Variants in SH3GL3 observed in about 807,000 individuals in gnomAD.
The protein encoded by SH3GL3 is SH3 domain containing GRB2 like 3, endophilin A3.
A neutral mutation model predicts 47.7 loss-of-function variants in SH3GL3; 33 were observed. The ratio of observed to expected loss-of-function variants is 0.69; its 90% CI spans 0.52 to 0.92. The LOEUF (loss-of-function observed/expected upper bound fraction) is 0.92, where lower values mean the gene tolerates loss of function less well. Among genes scored for constraint, SH3GL3 ranks in the 40% least tolerant of loss-of-function variants. SH3GL3 has a pLI of 0.00. For missense variants in SH3GL3, 363 were observed against 417.8 expected (o/e 0.87, Z 1.14); for synonymous variants, 155 against 148.8 (o/e 1.04, Z -0.30).
intron 1 of SH3GL3, among the ~76,000 whole-genome samples, chr15:83,450,480 G>A (rs2039686768): frequency 6.6e-6 from 1 of 151,846 alleles, no homozygotes; most frequent in African/African-American, 2.4e-5. Flanking sequence ...GCTATAACCC[G>A]GTTAACTGTT....
At chr15:83,491,754 A>G (rs2041882188) in intron 1 of SH3GL3, among the ~76,000 whole-genome samples, 1 of 152,114 alleles carries the variant, frequency 6.6e-6, no homozygotes, top group Admixed American at 6.5e-5. Flanking sequence ...TGACTTGTTC[A>G]CTTTGTGTTT....
At chr15:83,586,074 T>C (rs2059947366) in intron 6 of SH3GL3, among the ~76,000 whole-genome samples, 1 of 152,092 alleles carries the variant, frequency 6.6e-6, no homozygotes, top group African/African-American at 2.4e-5. Flanking sequence ...GTAGGATTGA[T>C]TTTGATTTGT....
At chr15:83,533,394 G>A (rs2043768447) in intron 1 of SH3GL3, among the ~76,000 whole-genome samples, 1 of 152,062 alleles carries the variant, frequency 6.6e-6, no homozygotes, top group African/African-American at 2.4e-5. Flanking sequence ...TGGCAGAAGG[G>A]GTTCATATAG....
intron 1 of SH3GL3, among the ~76,000 whole-genome samples, chr15:83,464,361 T>C (rs745855632): frequency 1.3e-5 from 2 of 152,164 alleles, no homozygotes; most frequent in Non-Finnish European, 2.9e-5. Flanking sequence ...GCTTGGGTAC[T>C]TTCTCTTTTC....
Position 83,568,651 on chromosome 15 carries a change from C to T in SH3GL3, c.310C>T (p.Leu104Phe). Residue 104 changes from leucine (L) to phenylalanine (F), a missense_variant, in exon 4 of 9, where the codon CTC becomes TTC. Leu to Phe is a conservative substitution (Grantham distance 22). Transcript: ENST00000427482. ...GDCMLKYGKELGEDSTFGNAL... is the reference protein window; with the variant it reads ...GDCMLKYGKEFGEDSTFGNAL... ...CTGTATGCTGAAATACGGGAAGGAG[C>T]TCGGGGAAGACTCCACCTTTGGTGA... is the stretch of plus-strand genomic sequence containing the variant. 1 of 1,613,728 alleles carries T rather than the reference C, an allele frequency of 6.2e-7. No individual in the cohort carries two copies. The highest frequency in any genetic ancestry group is 8.5e-7 in the Non-Finnish European group (1 of 1,179,708).
chr15:83,524,027 G>T, intron 1 of SH3GL3, among the ~76,000 whole-genome samples: 1 of 151,752 alleles, frequency 6.6e-6, no homozygotes, highest in East Asian at 1.9e-4. Context: ...ATACTATACA[G>T]ATGATTTCTT....
intron 1 of SH3GL3, among the ~76,000 whole-genome samples, chr15:83,540,440 C>T (rs1000867482): frequency 2.6e-5 from 4 of 152,016 alleles, no homozygotes; most frequent in East Asian, 3.8e-4. Flanking sequence ...CTTTATACAT[C>T]GTGAGGCTGT....
At chr15:83,551,397 T>A (rs2044661709) in intron 1 of SH3GL3, among the ~76,000 whole-genome samples, 1 of 152,170 alleles carries the variant, frequency 6.6e-6, no homozygotes, top group Admixed American at 6.5e-5. Context: ...AGGTGCGATA[T>A]TTGTGATGGG....
intron 3 of SH3GL3, among the ~76,000 whole-genome samples, chr15:83,567,957 CT>C (rs397705514): frequency 0.11 from 15,372 of 140,518 alleles, 978 homozygotes; most frequent in African/African-American, 0.18. Context: ...CCCATCATTT[CT>C]TTTTTTTTTT....
chr15:83,531,859 T>TGA lies in SH3GL3; in HGVS notation c.46-27377_46-27376dup, dbSNP rs138338504. 4.8e-4 allele frequency among the ~76,000 whole-genome samples: 71 copies of TGA among 148,090 alleles called. 1 individual carries two copies. Among genetic ancestry groups the TGA allele is most frequent in the Admixed American group, 2.1e-3 (31 of 14,788 alleles). On this transcript the variant is annotated intron_variant, in intron 1 of 8. Coordinates refer to ENST00000427482, the MANE Select transcript of SH3GL3 (RefSeq NM_003027.5). ...GTGTCTGAGAGAGAGAGAGACAGAA[T>TGA]GAGAGAGAGAGAGAGAGATGAGAGA...
chr15:83,558,028 G>A (rs2045052938), intron 1 of SH3GL3, among the ~76,000 whole-genome samples: 1 of 152,148 alleles, frequency 6.6e-6, no homozygotes, highest in Non-Finnish European at 1.5e-5. Context: ...AATAGTAGTA[G>A]TAACTACACT....
At chr15:83,602,769 C>T (rs558808611) in intron 8 of SH3GL3, among the ~76,000 whole-genome samples, 1 of 152,196 alleles carries the variant, frequency 6.6e-6, no homozygotes, top group African/African-American at 2.4e-5. Context: ...CTTGATTAGA[C>T]CCTGGTTCTG....
chr15:83,578,754 T>C (rs186617068), intron 6 of SH3GL3, among the ~76,000 whole-genome samples: 25 of 152,230 alleles, frequency 1.6e-4, no homozygotes, highest in Admixed American at 1.3e-3. Context: ...CCTCTTGAAA[T>C]TGTCCCCAAG....
At chr15:83,522,141 A>G (rs922635710) in intron 1 of SH3GL3, among the ~76,000 whole-genome samples, 4 of 152,134 alleles carry the variant, frequency 2.6e-5, no homozygotes, top group Non-Finnish European at 4.4e-5. Context: ...TGGGTGCTTG[A>G]TGGTAAGCAC....
chr15:83,554,174 C>T (rs897698504), intron 1 of SH3GL3, among the ~76,000 whole-genome samples: 1 of 151,856 alleles, frequency 6.6e-6, no homozygotes, highest in Non-Finnish European at 1.5e-5. Context: ...ATTATAGGCA[C>T]GTGCCACCAC....
chr15:83,621,532 A>C (rs901111678), downstream of SH3GL3, among the ~76,000 whole-genome samples: 1 of 152,186 alleles, frequency 6.6e-6, no homozygotes, highest in African/African-American at 2.4e-5. Flanking sequence ...AAAACAGTTA[A>C]AATAGTAACA....
At chr15:83,514,004 G>T (rs1353124492) in intron 1 of SH3GL3, among the ~76,000 whole-genome samples, 1 of 152,112 alleles carries the variant, frequency 6.6e-6, no homozygotes, top group African/African-American at 2.4e-5. Context: ...TCCATGCTTT[G>T]TTCTTTCCAT....
intron 1 of SH3GL3, among the ~76,000 whole-genome samples, chr15:83,515,227 G>A (rs1430849088): frequency 6.6e-6 from 1 of 152,218 alleles, no homozygotes; most frequent in Non-Finnish European, 1.5e-5. Context: ...GAGTTCATAA[G>A]TGAGAGTGAG....
intron 1 of SH3GL3, among the ~76,000 whole-genome samples, chr15:83,457,761 C>A (rs533040529): frequency 2.0e-5 from 3 of 152,168 alleles, no homozygotes; most frequent in African/African-American, 7.2e-5. Flanking sequence ...ATTGATAAAT[C>A]CTTTTTTTTA....
Sources: allele counts gnomAD v4.1 joint callset (sites outside exome capture counted in the v4.1 genomes callset), GRCh38; gene constraint gnomAD v4.1.1; transcripts MANE v1.5; gene names NCBI Gene and HGNC (gene_info 2026-07-23, HGNC 2026-07-21).